Variants in ATP11C observed in about 807,000 individuals in gnomAD.
ATP11C encodes ATPase phospholipid transporting 11C (ATP11C blood group).
A neutral mutation model predicts 97.4 loss-of-function variants in ATP11C; 36 were observed. The ratio of observed to expected loss-of-function variants is 0.37; its 90% CI spans 0.28 to 0.49. The LOEUF is 0.49. ATP11C is among the 20% of genes least tolerant of loss of function. The pLI is 0.98. For missense variants in ATP11C, 730 were observed against 824.6 expected, an observed-to-expected ratio of 0.89 and a Z score of 1.40; for synonymous variants, 275 against 290.9, an observed-to-expected ratio of 0.95 and a Z score of 0.56.
intron 1 of ATP11C, among the ~76,000 whole-genome samples, chrX:139,888,316 A>G (rs1405438234): frequency 9.1e-6 from 1 of 109,662 alleles, no homozygotes; most frequent in East Asian, 2.9e-4. Flanking sequence ...GTATTTTTGT[A>G]GAGACGGGGT....
At chrX:139,739,212 G>A (rs968099537) in intron 27 of ATP11C, among the ~76,000 whole-genome samples, 1 of 110,616 alleles carries the variant, frequency 9.0e-6, no homozygotes, top group African/African-American at 3.3e-5. Flanking sequence ...CATAACAGGG[G>A]CCCAGATGAC....
Position 139,728,607 on chromosome X carries a change from T to C in ATP11C, c.*359A>G, listed in dbSNP as rs540967141. ...ATTGCATAACTTCTACTTCATACTA[T>C]TGTATTTAAATCCATTCACAAAGTT... On this transcript the variant is annotated 3_prime_UTR_variant, in exon 30 of 30. Transcript: ENST00000682941. 4.8e-6 allele frequency: 1 copy of C among 206,419 alleles called. No homozygotes were observed. The highest frequency in any genetic ancestry group is 8.9e-6 in the Non-Finnish European group (1 of 111,758). 17.0% of individuals were successfully genotyped at this position (206,419 alleles called of 1,213,427 possible).
chrX:139,840,911 G>A (rs1319042989), intron 1 of ATP11C, among the ~76,000 whole-genome samples: 7 of 110,714 alleles, frequency 6.3e-5, no homozygotes, highest in Non-Finnish European at 1.1e-4. Flanking sequence ...ATTGGGTTCA[G>A]TGTATACTGC....
At chrX:139,909,726 C>T (rs1009565221) in intron 1 of ATP11C, among the ~76,000 whole-genome samples, 3 of 111,869 alleles carry the variant, frequency 2.7e-5, no homozygotes, top group Non-Finnish European at 5.6e-5. Context: ...TTTTTTCTTA[C>T]AATTCCATGT....
At chrX:139,897,636 A>G (rs1369730393) in intron 1 of ATP11C, among the ~76,000 whole-genome samples, 1 of 107,800 alleles carries the variant, frequency 9.3e-6, no homozygotes, top group Non-Finnish European at 1.9e-5. Flanking sequence ...GCGCCACTGC[A>G]TTCCAGCCTG....
chrX:139,752,119 T>A (rs2081832463), intron 23 of ATP11C, among the ~76,000 whole-genome samples: 1 of 111,696 alleles, frequency 9.0e-6, no homozygotes, highest in Admixed American at 9.5e-5. Context: ...ACGTTATTCC[T>A]TCCCTTACCT....
chrX:139,897,057 G>A (rs1361628950), intron 1 of ATP11C, among the ~76,000 whole-genome samples: 1 of 109,221 alleles, frequency 9.2e-6, no homozygotes, highest in Non-Finnish European at 1.9e-5. Context: ...GTGACATCAC[G>A]TCTCTCCTAA....
rs752422594 is a variant in ATP11C at position 139,731,629 on chromosome X, C to G, written c.*3+22G>C. The G allele has an allele frequency of 4.9e-6, 5 of 1,013,136 alleles. No individual in the cohort carries two copies. The Admixed American group carries it at 1.3e-4, about 26-fold the overall frequency. 83.5% of individuals were successfully genotyped at this position (1,013,136 alleles called of 1,213,427 possible). On this transcript the variant is annotated intron_variant, in intron 29 of 29. Transcript: ENST00000682941. ...GTTAATCCGATTTTTTAAAGCCAGCCCATTTGTTTAACACTAGGTACCTGT... is the reference window on the plus strand; with the variant it reads ...GTTAATCCGATTTTTTAAAGCCAGCGCATTTGTTTAACACTAGGTACCTGT...
At chrX:139,815,821 A>G (rs1227288132) in intron 4 of ATP11C, among the ~76,000 whole-genome samples, 3 of 110,620 alleles carry the variant, frequency 2.7e-5, no homozygotes, top group Non-Finnish European at 5.7e-5. Flanking sequence ...TACTATATCC[A>G]TTCTTCTTCT....
intron 2 of ATP11C, among the ~76,000 whole-genome samples, chrX:139,825,858 G>A (rs1457946347): frequency 8.9e-6 from 1 of 112,449 alleles, no homozygotes; most frequent in Non-Finnish European, 1.9e-5. Flanking sequence ...TTCTATAAGA[G>A]ATGGCAGTAG....
intron 27 of ATP11C, among the ~76,000 whole-genome samples, chrX:139,739,518 T>C (rs1340755967): frequency 3.6e-5 from 4 of 111,121 alleles, no homozygotes; most frequent in African/African-American, 9.8e-5. Flanking sequence ...ATTTTACTGG[T>C]TGCTTTATAA....
At position 139,881,962 on chromosome X, in the gene ATP11C, T is replaced by C. The variant is rs752428172; in HGVS notation, c.27+50054A>G. ...AAAATGACAGCTTTGGGGGAAGATA[T>C]ACTTATTTGGGGAAAAAAGACATTT... On this transcript the variant is annotated intron_variant, in intron 1 of 29. Transcript: ENST00000682941. Among the ~76,000 whole-genome samples, 8 of 111,820 alleles carry C rather than the reference T, an allele frequency of 7.2e-5. No individual in the cohort carries two copies. The East Asian group carries it at 8.5e-4, about 12-fold the overall frequency.
In ATP11C at chrX:139,776,945, C is replaced by T. The variant is rs144164160; in HGVS notation, c.1953-1992G>A. Among the ~76,000 whole-genome samples the T allele has an allele frequency of 5.4e-3, 598 of 111,742 alleles. 4 individuals carry two copies. Among genetic ancestry groups the T allele is most frequent in the Middle Eastern group, 9.3e-3 (2 of 216 alleles). ...ATATAGAGCCTTGCCCCGTCGAAAG[C>T]ACCCAGAAACAAAGCCAAACAATCA... On this transcript the variant is annotated intron_variant, in intron 18 of 29. Transcript: ENST00000682941.
chrX:139,931,008 G>T (rs2085423507), intron 1 of ATP11C, among the ~76,000 whole-genome samples: 1 of 112,055 alleles, frequency 8.9e-6, no homozygotes, highest in Non-Finnish European at 1.9e-5. Flanking sequence ...CCTAACTACA[G>T]AAAAATCAAA....
At chrX:139,833,201 T>G (rs1157444229) in intron 1 of ATP11C, among the ~76,000 whole-genome samples, 4 of 112,203 alleles carry the variant, frequency 3.6e-5, no homozygotes, top group Non-Finnish European at 5.6e-5. Flanking sequence ...ATGAATGCAT[T>G]TTTCCAAGTA....
rs762936889 is a variant in ATP11C at position 139,891,879 on chromosome X, C to A, written c.27+40137G>T. ...TGCCCCTAATTAATTTTTTTTAAGA[C>A]AGGGTCTCACTCTGTTGCCCAGGCT... On this transcript the variant is annotated intron_variant, in intron 1 of 29. Transcript: ENST00000682941. 3.6e-5 allele frequency among the ~76,000 whole-genome samples: 4 copies of A among 111,255 alleles called. No individual in the cohort carries two copies. In the South Asian group the frequency reaches 1.5e-3, roughly 42 times the overall value.
intron 20 of ATP11C, among the ~76,000 whole-genome samples, chrX:139,764,115 C>A (rs1246386897): frequency 8.9e-6 from 1 of 112,074 alleles, no homozygotes; most frequent in South Asian, 3.7e-4. Context: ...CTACTCTCTC[C>A]TCCCTGCTGA....
chrX:139,789,378 A>G lies in ATP11C; in HGVS notation c.1317T>C (p.Asp439=), dbSNP rs756171939. ...AAGTTCCATCAGTTTGAGATAATCC[A>G]TCAACCTCTTGAGTTACACCTTTAT... The part of the protein sequence containing the change: ...HKYKGVTQEV[D]GLSQTDGTLT... Residue 439 remains aspartate, a synonymous_variant, in exon 13 of 30, where the codon GAT becomes GAC. Coordinates refer to ENST00000682941, the MANE Select transcript of ATP11C (RefSeq NM_001353812.2). The G allele has an allele frequency of 8.3e-7, 1 of 1,207,427 alleles. No homozygotes were observed. Among genetic ancestry groups the G allele is most frequent in the Non-Finnish European group, 1.1e-6 (1 of 892,656 alleles).
At chrX:139,804,869 A>G (rs185245866) in intron 5 of ATP11C, among the ~76,000 whole-genome samples, 70 of 112,034 alleles carry the variant, frequency 6.2e-4, no homozygotes, top group African/African-American at 2.1e-3. Context: ...TTGCTCTCTG[A>G]TATTTCTTGC....
Sources: allele counts gnomAD v4.1 joint callset (sites outside exome capture counted in the v4.1 genomes callset), GRCh38; gene constraint gnomAD v4.1.1; transcripts MANE v1.5; gene names NCBI Gene and HGNC (gene_info 2026-07-23, HGNC 2026-07-21).